The following ZNG1B variants were observed in gnomAD, a reference collection of about 807,000 sequenced individuals.
ZNG1B encodes Zn regulated GTPase metalloprotein activator 1B.
the ZNG1B span, among the ~76,000 whole-genome samples, chr2:113,439,554 C>A: frequency 3.4e-4 from 52 of 152,192 alleles, 2 homozygotes; most frequent in East Asian, 9.8e-3. Flanking sequence ...AATGTCAATC[C>A]GACTGCGTCA....
At chr2:113,446,024 T>C in the ZNG1B span, among the ~76,000 whole-genome samples, 1 of 151,890 alleles carries the variant, frequency 6.6e-6, no homozygotes, top group Non-Finnish European at 1.5e-5. Context: ...TTGGTCCTTA[T>C]AGTAGGCATG....
chr2:113,439,346 C>G, the ZNG1B span, among the ~76,000 whole-genome samples: 1 of 151,596 alleles, frequency 6.6e-6, no homozygotes, highest in Non-Finnish European at 1.5e-5. Flanking sequence ...CCATCTTTAG[C>G]TACACACCTG....
At chr2:113,458,385 G>T in the ZNG1B span, among the ~76,000 whole-genome samples, 493 of 151,826 alleles carry the variant, frequency 3.2e-3, 7 homozygotes, top group African/African-American at 0.011. Flanking sequence ...GCTTTCCTAT[G>T]GGCATAGAAG....
At chr2:113,485,288 A>G in the ZNG1B span, among the ~76,000 whole-genome samples, 1 of 134,692 alleles carries the variant, frequency 7.4e-6, no homozygotes, top group Admixed American at 7.8e-5. Flanking sequence ...GTCTTAGTGG[A>G]GAGTTGGTAC....
chr2:113,450,410 T>C, the ZNG1B span, among the ~76,000 whole-genome samples: 3 of 150,342 alleles, frequency 2.0e-5, no homozygotes, highest in Non-Finnish European at 4.4e-5. Context: ...GTGTCTGTCC[T>C]GTTTTTGATA....
chr2:113,489,809 A>G, the ZNG1B span, among the ~76,000 whole-genome samples: 2 of 148,428 alleles, frequency 1.3e-5, no homozygotes, highest in East Asian at 4.0e-4. Context: ...CCAACAGGAA[A>G]GTATCACAAT....
At chr2:113,476,967 T>C in the ZNG1B span, among the ~76,000 whole-genome samples, 1 of 152,162 alleles carries the variant, frequency 6.6e-6, no homozygotes, top group Non-Finnish European at 1.5e-5. Context: ...ACTGCTGTCT[T>C]TTTGTGTGTC....
chr2:113,481,204 C>A, the ZNG1B span, among the ~76,000 whole-genome samples: 2 of 136,964 alleles, frequency 1.5e-5, no homozygotes, highest in African/African-American at 2.8e-5. Flanking sequence ...CTAAAGTAAT[C>A]TCATTCTACA....
the ZNG1B span, chr2:113,494,673 A>G: frequency 2.3e-6 from 2 of 855,800 alleles, no homozygotes; most frequent in Non-Finnish European, 2.8e-6. Context: ...TTATTTCATC[A>G]TTGTTCATTG....
chr2:113,438,965 T>G, the ZNG1B span: 12 of 1,506,680 alleles, frequency 8.0e-6, no homozygotes, highest in East Asian at 3.0e-4. Flanking sequence ...TTTATTCCCG[T>G]TTTTTGCTCG....
chr2:113,477,935 G>A, the ZNG1B span, among the ~76,000 whole-genome samples: 1 of 152,168 alleles, frequency 6.6e-6, no homozygotes, highest in African/African-American at 2.4e-5. Flanking sequence ...TCTGTGACTG[G>A]TTTATTTCAC....
the ZNG1B span, among the ~76,000 whole-genome samples, chr2:113,471,502 C>A: frequency 1.7e-4 from 25 of 146,408 alleles, no homozygotes; most frequent in Non-Finnish European, 2.4e-4. Context: ...ATTATTATAC[C>A]TTAAGTTTTA....
chr2:113,489,662 T>G, the ZNG1B span, among the ~76,000 whole-genome samples: 1 of 152,260 alleles, frequency 6.6e-6, no homozygotes, highest in East Asian at 1.9e-4. Context: ...GGTAAAGGGA[T>G]GGACCAAGAC....
the ZNG1B span, among the ~76,000 whole-genome samples, chr2:113,455,946 G>A: frequency 6.7e-6 from 1 of 150,176 alleles, no homozygotes; most frequent in Non-Finnish European, 1.5e-5. Flanking sequence ...ATGAACTCCT[G>A]ACCTCAAGTG....
At chr2:113,476,252 G>A in the ZNG1B span, among the ~76,000 whole-genome samples, 231 of 151,708 alleles carry the variant, frequency 1.5e-3, no homozygotes, top group Middle Eastern at 3.4e-3. Context: ...ATATTTCATC[G>A]CTGATACCCT....
chr2:113,478,113 C>T, the ZNG1B span, among the ~76,000 whole-genome samples: 2 of 152,076 alleles, frequency 1.3e-5, no homozygotes, highest in Admixed American at 1.3e-4. Context: ...AATAATGCTG[C>T]AATGAATATC....
the ZNG1B span, among the ~76,000 whole-genome samples, chr2:113,474,726 C>A: frequency 6.6e-6 from 1 of 151,764 alleles, no homozygotes; most frequent in Admixed American, 6.6e-5. Flanking sequence ...ATCTTTATTT[C>A]TGCCTTCATT....
chr2:113,477,759 A>G, the ZNG1B span, among the ~76,000 whole-genome samples: 1 of 152,326 alleles, frequency 6.6e-6, no homozygotes, highest in East Asian at 1.9e-4. Context: ...TGTGCAGCAG[A>G]TCTCTGGAAC....
the ZNG1B span, chr2:113,495,225 A>T: frequency 1.3e-6 from 2 of 1,511,548 alleles, no homozygotes; most frequent in African/African-American, 2.9e-5. Flanking sequence ...TGACACTGAG[A>T]GAACAAATCG....
Sources: allele counts gnomAD v4.1 joint callset (sites outside exome capture counted in the v4.1 genomes callset), GRCh38; gene constraint gnomAD v4.1.1; transcripts MANE v1.5; gene names NCBI Gene and HGNC (gene_info 2026-07-23, HGNC 2026-07-21).